Variants in EYS observed in about 807,000 individuals in gnomAD.
EYS encodes the protein protein eyes shut homolog.
In EYS, 250 loss-of-function variants were observed where a neutral mutation model predicts 282.1. The observed-to-expected ratio is 0.89, with a 90% CI of 0.80 to 0.98. The LOEUF (loss-of-function observed/expected upper bound fraction) is 0.98. Ranked by LOEUF, EYS falls within the 50% of genes least tolerant of loss-of-function variation. EYS has a pLI of 0.00. For synonymous variants in EYS, 1,355 were observed against 1,282.9 expected (o/e 1.06, Z -1.20); for missense variants, 4,016 against 3,709.0 (o/e 1.08, Z -2.15).
intron 26 of EYS, among the ~76,000 whole-genome samples, chr6:64,548,934 C>T (rs1237412825): frequency 3.9e-5 from 6 of 152,164 alleles, no homozygotes; most frequent in Non-Finnish European, 5.9e-5. Context: ...AGCTGGAATT[C>T]AGGTAATGTG....
chr6:65,139,500 G>A (rs901790417), intron 12 of EYS, among the ~76,000 whole-genome samples: 2 of 151,926 alleles, frequency 1.3e-5, no homozygotes, highest in African/African-American at 2.4e-5. Context: ...TTATTACCTG[G>A]GTGAAAAAAT....
At chr6:64,264,099 GAAA>G (rs1267350343) in intron 30 of EYS, among the ~76,000 whole-genome samples, 1 of 77,816 alleles carries the variant, frequency 1.3e-5, no homozygotes, top group African/African-American at 5.1e-5. Flanking sequence ...TGAGCTAAAA[GAAA>G]AACAACAACA....
chr6:65,444,054 G>A (rs981247737), intron 5 of EYS, among the ~76,000 whole-genome samples: 3 of 151,818 alleles, frequency 2.0e-5, no homozygotes, highest in African/African-American at 7.3e-5. Context: ...CTGTGTCTGT[G>A]TCTGAAATCT....
At chr6:63,836,235 G>C (rs1035160552) in intron 36 of EYS, among the ~76,000 whole-genome samples, 1 of 152,026 alleles carries the variant, frequency 6.6e-6, no homozygotes, top group Non-Finnish European at 1.5e-5. Flanking sequence ...AACTTTGAAA[G>C]TATTTTGCTA....
intron 30 of EYS, among the ~76,000 whole-genome samples, chr6:64,247,257 T>C (rs1363204338): frequency 6.6e-6 from 1 of 152,072 alleles, no homozygotes; most frequent in African/African-American, 2.4e-5. Flanking sequence ...GTAATCAAGG[T>C]GACATAATTA....
At chr6:64,007,528 G>T (rs1768408757) in intron 33 of EYS, among the ~76,000 whole-genome samples, 1 of 151,760 alleles carries the variant, frequency 6.6e-6, no homozygotes, top group Admixed American at 6.6e-5. Context: ...CTTGTCTTCT[G>T]CTAGCTTTGT....
chr6:64,021,452 C>T (rs1769187800), intron 33 of EYS, among the ~76,000 whole-genome samples: 1 of 151,818 alleles, frequency 6.6e-6, no homozygotes, highest in Non-Finnish European at 1.5e-5. Context: ...TCCTACAATG[C>T]ACAGGACTGC....
rs192497577 is a variant in EYS at position 64,115,804 on chromosome 6, A to G, written c.6425-33802T>C. Among the ~76,000 whole-genome samples, 90 of 152,332 alleles carry G rather than the reference A, an allele frequency of 5.9e-4. 2 individuals are homozygous for G. The highest frequency in any genetic ancestry group is 2.0e-3 in the African/African-American group (85 of 41,592). ...TCAAAGAAACATGATATCACAAAAT[A>G]GAACACACACACCGTAATATTCTAG... is the stretch of plus-strand genomic sequence containing the variant. On this transcript the variant is annotated intron_variant, in intron 31 of 42. Coordinates refer to ENST00000503581, the MANE Select transcript of EYS (RefSeq NM_001142800.2).
intron 22 of EYS, among the ~76,000 whole-genome samples, chr6:64,713,668 G>C (rs1771284103): frequency 6.6e-6 from 1 of 152,044 alleles, no homozygotes; most frequent in South Asian, 2.1e-4. Flanking sequence ...GGCAAGACTT[G>C]TTCTTGGTTT....
At chr6:65,434,236 T>C (rs1767981071) in intron 5 of EYS, among the ~76,000 whole-genome samples, 1 of 151,930 alleles carries the variant, frequency 6.6e-6, no homozygotes, top group Non-Finnish European at 1.5e-5. Flanking sequence ...CACCAAGTAT[T>C]GTGACATAAA....
At chr6:64,483,277 A>T (rs1402665514) in intron 26 of EYS, among the ~76,000 whole-genome samples, 1 of 151,726 alleles carries the variant, frequency 6.6e-6, no homozygotes, top group Admixed American at 6.6e-5. Context: ...AAATGAGGGT[A>T]AGACTTCCCT....
At chr6:64,040,962 T>A (rs1240050657) in intron 33 of EYS, among the ~76,000 whole-genome samples, 2 of 152,216 alleles carry the variant, frequency 1.3e-5, no homozygotes, top group African/African-American at 4.8e-5. Flanking sequence ...AATCAGATTT[T>A]GGTTCATAGA....
At chr6:64,261,152 G>A (rs1767573949) in intron 30 of EYS, among the ~76,000 whole-genome samples, 1 of 151,602 alleles carries the variant, frequency 6.6e-6, no homozygotes, top group South Asian at 2.1e-4. Flanking sequence ...TTCCCATTAA[G>A]CATTCCTATT....
chr6:64,859,703 GGCCTCCC>G (rs1766173941), intron 19 of EYS, among the ~76,000 whole-genome samples: 2 of 152,174 alleles, frequency 1.3e-5, no homozygotes, highest in Non-Finnish European at 2.9e-5. Context: ...GTGATTGTGA[GGCCTCCC>G]CAGCCACGTG....
At chr6:65,265,090 A>C (rs1767717104) in intron 12 of EYS, among the ~76,000 whole-genome samples, 1 of 152,040 alleles carries the variant, frequency 6.6e-6, no homozygotes, top group Admixed American at 6.6e-5. Flanking sequence ...GGAGACTATT[A>C]GTTGCAGGGC....
chr6:63,978,855 C>G (rs1353467043), intron 35 of EYS, among the ~76,000 whole-genome samples: 2 of 151,878 alleles, frequency 1.3e-5, no homozygotes, highest in Non-Finnish European at 2.9e-5. Context: ...CACAAAAAAA[C>G]TGCCTTCTTT....
chr6:64,244,400 A>C (rs1162257091), intron 30 of EYS, among the ~76,000 whole-genome samples: 1 of 152,116 alleles, frequency 6.6e-6, no homozygotes, highest in African/African-American at 2.4e-5. Context: ...TTCTGTAGGA[A>C]ACTTGTATTT....
intron 2 of EYS, among the ~76,000 whole-genome samples, chr6:65,602,396 A>G (rs576329689): frequency 1.3e-5 from 2 of 151,948 alleles, no homozygotes; most frequent in Non-Finnish European, 2.9e-5. Flanking sequence ...ATTTTTTACT[A>G]AATTTGATTA....
intron 28 of EYS, among the ~76,000 whole-genome samples, chr6:64,396,576 C>T (rs1033981945): frequency 6.6e-6 from 1 of 151,980 alleles, no homozygotes; most frequent in Non-Finnish European, 1.5e-5. Flanking sequence ...ATCTACAATC[C>T]ACCTGAGATT....
Sources: allele counts gnomAD v4.1 joint callset (sites outside exome capture counted in the v4.1 genomes callset), GRCh38; gene constraint gnomAD v4.1.1; transcripts MANE v1.5; gene names NCBI Gene and HGNC (gene_info 2026-07-23, HGNC 2026-07-21).